Variants in SPOCK3 observed in about 807,000 individuals in gnomAD.
SPOCK3 encodes SPARC (osteonectin), cwcv and kazal like domains proteoglycan 3.
SPOCK3 carries 30 observed loss-of-function variants against 56.6 expected under a neutral mutation model. That is an observed-to-expected ratio of 0.53 (90% CI 0.40 to 0.72). The LOEUF (loss-of-function observed/expected upper bound fraction) is 0.72, where lower values mean the gene tolerates loss of function less well. Among genes scored for constraint, SPOCK3 ranks in the 30% least tolerant of loss-of-function variants. The pLI is 0.00. For missense variants in SPOCK3, 527 were observed against 530.0 expected (o/e 0.99, Z 0.06); for synonymous variants, 196 against 183.3 (o/e 1.07, Z -0.56).
At chr4:167,003,617 C>T (rs1749165233) in intron 3 of SPOCK3, among the ~76,000 whole-genome samples, 1 of 152,180 alleles carries the variant, frequency 6.6e-6, no homozygotes, top group Non-Finnish European at 1.5e-5. Context: ...CATTTAGCGT[C>T]TCCTCTTCTG....
chr4:167,073,944 C>A (rs1271897487), intron 2 of SPOCK3, among the ~76,000 whole-genome samples: 2 of 151,514 alleles, frequency 1.3e-5, no homozygotes, highest in African/African-American at 4.8e-5. Flanking sequence ...TTGCACTACT[C>A]AAAAATTTAG....
At chr4:167,198,603 A>G (rs1350871921) in intron 2 of SPOCK3, among the ~76,000 whole-genome samples, 1 of 152,184 alleles carries the variant, frequency 6.6e-6, no homozygotes, top group Non-Finnish European at 1.5e-5. Flanking sequence ...AAAAATTAGG[A>G]AAGAACATAC....
rs527404015 is a variant in SPOCK3, at chr4:167,076,973, A to G, written c.190-14436T>C. Reference sequence around the variant, plus strand: ...AAGTCTGCACATGAGATTAAAATGAATATCTGGCAATCTGAGACTTATGTG... The same window carrying G: ...AAGTCTGCACATGAGATTAAAATGAGTATCTGGCAATCTGAGACTTATGTG... On this transcript the variant is annotated intron_variant, in intron 2 of 10. Coordinates refer to ENST00000357545, the MANE Select transcript of SPOCK3 (RefSeq NM_001040159.2). 3.0e-4 allele frequency among the ~76,000 whole-genome samples: 46 copies of G among 152,028 alleles called. 1 individual carries two copies. In the South Asian group the frequency reaches 9.1e-3, roughly 30 times the overall value.
intron 8 of SPOCK3, among the ~76,000 whole-genome samples, chr4:166,743,644 G>C (rs1331087001): frequency 6.6e-6 from 1 of 152,216 alleles, no homozygotes; most frequent in Non-Finnish European, 1.5e-5. Context: ...ATGAGCCGAA[G>C]CAGGGCGGGA....
intron 2 of SPOCK3, among the ~76,000 whole-genome samples, chr4:167,168,515 C>A (rs1267659676): frequency 6.6e-6 from 1 of 152,058 alleles, no homozygotes; most frequent in African/African-American, 2.4e-5. Flanking sequence ...GAGTAAATGT[C>A]ACTCTGTCTA....
At chr4:166,825,032 T>C (rs1745315342) in intron 6 of SPOCK3, among the ~76,000 whole-genome samples, 1 of 152,126 alleles carries the variant, frequency 6.6e-6, no homozygotes, top group African/African-American at 2.4e-5. Flanking sequence ...GGCCTTGAAA[T>C]ATTTCATTTA....
chr4:166,995,737 G>T (rs1371316725), intron 4 of SPOCK3, among the ~76,000 whole-genome samples: 1 of 151,978 alleles, frequency 6.6e-6, no homozygotes, highest in African/African-American at 2.4e-5. Context: ...AGGCATTTAG[G>T]AAAGAGTTTT....
intron 7 of SPOCK3, among the ~76,000 whole-genome samples, chr4:166,788,206 A>T (rs1740947413): frequency 6.6e-6 from 1 of 151,280 alleles, no homozygotes; most frequent in Non-Finnish European, 1.5e-5. Flanking sequence ...AAACAAACAA[A>T]AAAACCCAGA....
chr4:166,804,873 A>G (rs1211995379), intron 6 of SPOCK3, among the ~76,000 whole-genome samples: 7 of 152,124 alleles, frequency 4.6e-5, no homozygotes, highest in Non-Finnish European at 8.8e-5. Context: ...AAGAATTACT[A>G]TTCTGTGGAG....
intron 8 of SPOCK3, among the ~76,000 whole-genome samples, chr4:166,743,405 T>C (rs534509335): frequency 1.3e-5 from 2 of 152,068 alleles, no homozygotes; most frequent in South Asian, 2.1e-4. Context: ...AACATATACA[T>C]TGTAGTTTAA....
At chr4:166,880,683 T>C (rs559841518) in intron 6 of SPOCK3, among the ~76,000 whole-genome samples, 4 of 152,184 alleles carry the variant, frequency 2.6e-5, no homozygotes, top group Non-Finnish European at 4.4e-5. Flanking sequence ...GGAGTTATCA[T>C]TAATTCTCCT....
chr4:167,196,501 T>TTTTC lies in SPOCK3; in HGVS notation c.189+37480_189+37483dup, dbSNP rs200153202. Among the ~76,000 whole-genome samples the TTTTC allele has an allele frequency of 6.6e-5, 10 of 152,016 alleles. No individual in the cohort carries two copies. In the East Asian group the frequency reaches 1.2e-3, roughly 18 times the overall value. The stretch of plus-strand genomic sequence containing the variant: ...ATCAAGGTGTCAACCAGCTGCATTC[T>TTTTC]TTTCTTTCTTTCTTTCTTTTTTTTT... On this transcript the variant is annotated intron_variant, in intron 2 of 10. Coordinates refer to ENST00000357545, the MANE Select transcript of SPOCK3 (RefSeq NM_001040159.2).
chr4:166,848,170 A>G (rs1224573974), intron 6 of SPOCK3, among the ~76,000 whole-genome samples: 3 of 152,228 alleles, frequency 2.0e-5, no homozygotes, highest in Admixed American at 6.5e-5. Flanking sequence ...TACTTGCATT[A>G]AAGTTTATAA....
chr4:167,043,854 A>G (rs1238043856), intron 3 of SPOCK3, among the ~76,000 whole-genome samples: 1 of 151,938 alleles, frequency 6.6e-6, no homozygotes, highest in Non-Finnish European at 1.5e-5. Flanking sequence ...TTTATTGAAG[A>G]CTTTTGCACC....
At chr4:166,956,071 C>A (rs1388177275) in intron 4 of SPOCK3, among the ~76,000 whole-genome samples, 1 of 152,022 alleles carries the variant, frequency 6.6e-6, no homozygotes, top group Non-Finnish European at 1.5e-5. Context: ...CTTTTGATAA[C>A]CATGATCTTT....
chr4:166,753,122 G>C (rs562103855), intron 8 of SPOCK3, among the ~76,000 whole-genome samples: 1 of 151,728 alleles, frequency 6.6e-6, no homozygotes, highest in Non-Finnish European at 1.5e-5. Flanking sequence ...TGTAGACAAA[G>C]CATTCTGAGT....
chr4:166,768,169 G>T (rs976343843), intron 7 of SPOCK3, among the ~76,000 whole-genome samples: 4 of 152,050 alleles, frequency 2.6e-5, no homozygotes, highest in Non-Finnish European at 5.9e-5. Context: ...CTTTTAATTC[G>T]AGCATTTAGC....
chr4:167,069,478 A>T (rs1756464656), intron 2 of SPOCK3, among the ~76,000 whole-genome samples: 1 of 151,980 alleles, frequency 6.6e-6, no homozygotes, highest in South Asian at 2.1e-4. Flanking sequence ...ATAAGATAAA[A>T]ATAATAAACT....
At chr4:167,217,417 A>G (rs1341824983) in intron 2 of SPOCK3, among the ~76,000 whole-genome samples, 4 of 151,998 alleles carry the variant, frequency 2.6e-5, no homozygotes, top group African/African-American at 9.7e-5. Context: ...CTATTTACAT[A>G]GCATTTATAT....
Sources: gnomAD v4.1 joint callset for allele counts (sites outside exome capture counted in the v4.1 genomes callset) on GRCh38, gnomAD v4.1.1 for gene constraint, MANE v1.5 for transcripts, NCBI Gene and HGNC (gene_info 2026-07-23, HGNC 2026-07-21) for gene names.